PIK3C2A: variants seen among roughly 807,000 people sequenced by gnomAD.
The protein encoded by PIK3C2A is phosphatidylinositol-4-phosphate 3-kinase catalytic subunit type 2 alpha, also known as phosphatidylinositol 4-phosphate 3-kinase C2 domain-containing subunit alpha.
In PIK3C2A, 97 loss-of-function variants were observed where a neutral mutation model predicts 204.5. The observed-to-expected ratio is 0.47, with a 90% CI of 0.40 to 0.56. PIK3C2A has a LOEUF of 0.56. Among genes scored for constraint, PIK3C2A ranks in the 20% least tolerant of loss-of-function variants. The probability of loss-of-function intolerance (pLI) is 0.00; values close to 1 mark genes in which losing one functional copy is unlikely to be tolerated. For synonymous variants in PIK3C2A, 653 were observed against 664.4 expected (o/e 0.98, Z 0.26); for missense variants, 1,735 against 1,969.2 (o/e 0.88, Z 2.25).
chr11:17,111,355 C>A (rs894866331), intron 21 of PIK3C2A, among the ~76,000 whole-genome samples: 6 of 152,214 alleles, frequency 3.9e-5, no homozygotes, highest in South Asian at 4.2e-4. Context: ...ACACAGGATT[C>A]CTCTGTACAG....
intron 3 of PIK3C2A, among the ~76,000 whole-genome samples, chr11:17,151,453 T>C (rs1262941497): frequency 6.6e-6 from 1 of 152,168 alleles, no homozygotes; most frequent in Non-Finnish European, 1.5e-5. Flanking sequence ...CTTGCTTCTG[T>C]AGAGATTAAA....
intron 8 of PIK3C2A, 48 bp downstream of exon 8, chr11:17,145,617 AAGC>A: frequency 9.7e-7 from 1 of 1,036,042 alleles, no homozygotes; most frequent in Non-Finnish European, 1.5e-6. Context: ...TAAGAGAAAG[AAGC>A]AGCAAGAATC....
Position 17,129,472 on chromosome 11 carries a change from G to A in PIK3C2A, c.2232-5C>T, listed in dbSNP as rs781209744. 1.9e-6 allele frequency: 3 copies of A among 1,573,378 alleles called. No individual in the cohort carries two copies. The highest frequency in any genetic ancestry group is 1.4e-5 in the African/African-American group (1 of 73,922). On this transcript the variant is annotated splice_region_variant and splice_polypyrimidine_tract_variant and intron_variant, in intron 12 of 32. Transcript: ENST00000691414. ...ATCTGGATAGGAAAAATGATTCTATGGGGGGAAAAATGTATTAATAGAACA... is the reference window on the plus strand; with the variant it reads ...ATCTGGATAGGAAAAATGATTCTATAGGGGGAAAAATGTATTAATAGAACA...
At chr11:17,167,318 T>C (rs1850997205) in intron 2 of PIK3C2A, among the ~76,000 whole-genome samples, 2 of 148,894 alleles carry the variant, frequency 1.3e-5, no homozygotes, top group African/African-American at 4.9e-5. Flanking sequence ...ATCCAAAATG[T>C]TTTTTTTTTA....
At position 17,123,608 on chromosome 11, in the gene PIK3C2A, T is replaced by C. The variant is rs917135036; in HGVS notation, c.2400-795A>G. Among the ~76,000 whole-genome samples the C allele has an allele frequency of 1.2e-4, 19 of 152,038 alleles. 1 individual carries two copies. Among genetic ancestry groups the C allele is most frequent in the Admixed American group, 1.2e-3 (19 of 15,248 alleles). On this transcript the variant is annotated intron_variant, in intron 13 of 32. Coordinates refer to ENST00000691414, the MANE Select transcript of PIK3C2A (RefSeq NM_002645.4). ...TCCTAGACTAGGGGTCTGCCAACTT[T>C]TTCTATAAAGAGCCAGAGAGTAAAT...
intron 12 of PIK3C2A, 77 bp from the exon 13 acceptor site, chr11:17,129,544 A>G: frequency 1.2e-6 from 1 of 841,650 alleles, no homozygotes; most frequent in South Asian, 1.6e-5. Flanking sequence ...TGAGACTGAC[A>G]ATTTTAGGTA....
intron 21 of PIK3C2A, 99 bp downstream of exon 21, chr11:17,112,475 A>T (rs1036803533): frequency 9.1e-6 from 5 of 548,366 alleles, no homozygotes; most frequent in Admixed American, 6.8e-5. Flanking sequence ...TAAATAATAA[A>T]AAAAATATTA....
At chr11:17,173,434 C>T (rs921000900) in intron 1 of PIK3C2A, among the ~76,000 whole-genome samples, 1 of 152,282 alleles carries the variant, frequency 6.6e-6, no homozygotes, top group African/African-American at 2.4e-5. Context: ...CCGTCTTTGT[C>T]ACCACTTGAG....
chr11:17,120,896 G>A (rs556857341), intron 15 of PIK3C2A, among the ~76,000 whole-genome samples: 2 of 151,974 alleles, frequency 1.3e-5, no homozygotes, highest in African/African-American at 2.4e-5. Flanking sequence ...TGCAACCTCC[G>A]CCTCCCAGGT....
chr11:17,130,347 T>A (rs1194539563), intron 12 of PIK3C2A, among the ~76,000 whole-genome samples: 1 of 152,212 alleles, frequency 6.6e-6, no homozygotes, highest in Non-Finnish European at 1.5e-5. Flanking sequence ...CACTTTCTAC[T>A]TATATGCATT....
intron 1 of PIK3C2A, among the ~76,000 whole-genome samples, chr11:17,173,684 C>T (rs1337822245): frequency 6.6e-6 from 1 of 152,196 alleles, no homozygotes; most frequent in African/African-American, 2.4e-5. Flanking sequence ...GTCTACCCAA[C>T]AGACTAAAAT....
intron 13 of PIK3C2A, 125 bp from the exon 14 acceptor site, chr11:17,122,938 C>T: frequency 1.7e-6 from 1 of 573,350 alleles, no homozygotes; most frequent in Non-Finnish European, 3.0e-6. Flanking sequence ...TCTTTAAGAA[C>T]ATATCAGAAG....
intron 7 of PIK3C2A, 31 bp from the exon 8 acceptor site, chr11:17,145,762 G>A (rs1850223027): frequency 6.4e-7 from 1 of 1,563,460 alleles, no homozygotes; most frequent in East Asian, 2.2e-5. Context: ...TGTGGCTGAA[G>A]GATGCTACAC....
chr11:17,168,243 G>C lies in PIK3C2A; in HGVS notation c.1065+434C>G, dbSNP rs897585090. Among the ~76,000 whole-genome samples, 49 of 152,128 alleles carry C rather than the reference G, an allele frequency of 3.2e-4. 1 individual carries two copies. Among genetic ancestry groups the C allele is most frequent in the Admixed American group, 3.2e-3 (49 of 15,264 alleles). ...AAGCAAAGAATCAAAGCACACTTGA[G>C]AGCAAAGAAAAACAAAATTCAAAGT... On this transcript the variant is annotated intron_variant, in intron 2 of 32. Transcript: ENST00000691414.
chr11:17,182,048 T>C (rs1348038214), intron 1 of PIK3C2A, among the ~76,000 whole-genome samples: 2 of 150,022 alleles, frequency 1.3e-5, no homozygotes, highest in African/African-American at 4.9e-5. Context: ...GCCAAGACCG[T>C]GCCATTGTAC....
intron 11 of PIK3C2A, 66 bp from the exon 12 acceptor site, chr11:17,132,104 C>T: frequency 2.2e-6 from 2 of 920,792 alleles, no homozygotes; most frequent in South Asian, 3.3e-5. Context: ...AATACAAATA[C>T]ATTAGCAGTT....
At chr11:17,101,591 ATTTTTCTTTT>A (rs1346658949) in intron 24 of PIK3C2A, among the ~76,000 whole-genome samples, 157 bp from the exon 25 acceptor site, 30 of 149,304 alleles carry the variant, frequency 2.0e-4, no homozygotes, top group Admixed American at 5.3e-4. Flanking sequence ...TTAAAATAAC[ATTTTTCTTTT>A]TTTTTCTTTT....
chr11:17,193,652 C>T (rs1241222696), intron 1 of PIK3C2A: 1 of 251,516 alleles, frequency 4.0e-6, no homozygotes, highest in South Asian at 4.3e-5. Context: ...TCGAGACCAA[C>T]CTGGCCAACA....
intron 1 of PIK3C2A, among the ~76,000 whole-genome samples, chr11:17,179,417 C>T (rs1294375243): frequency 6.6e-6 from 1 of 152,098 alleles, no homozygotes; most frequent in East Asian, 1.9e-4. Flanking sequence ...TCACCTGAGC[C>T]TCCCAAAGCA....
Sources: gnomAD v4.1 joint callset for allele counts (sites outside exome capture counted in the v4.1 genomes callset) on GRCh38, gnomAD v4.1.1 for gene constraint, MANE v1.5 for transcripts, NCBI Gene and HGNC (gene_info 2026-07-23, HGNC 2026-07-21) for gene names.